The following LYPLA1 variants were observed in gnomAD, a reference collection of about 807,000 sequenced individuals.
LYPLA1 encodes the protein lysophospholipase 1, also known as acyl-protein thioesterase 1.
LYPLA1 carries 17 observed loss-of-function variants against 34.0 expected under a neutral mutation model. The ratio of observed to expected loss-of-function variants is 0.50; its 90% CI spans 0.34 to 0.75. LYPLA1 has a LOEUF of 0.75. Ranked by LOEUF, LYPLA1 falls within the 30% of genes least tolerant of loss-of-function variation. LYPLA1 has a pLI of 0.01. For synonymous variants in LYPLA1, 98 were observed against 100.8 expected (o/e 0.97, Z 0.17); for missense variants, 203 against 288.8 (o/e 0.70, Z 2.15).
intron 2 of LYPLA1, among the ~76,000 whole-genome samples, chr8:54,078,941 T>G (rs1808109249): frequency 1.3e-5 from 2 of 151,938 alleles, no homozygotes; most frequent in Non-Finnish European, 2.9e-5. Flanking sequence ...CACTTGAATT[T>G]GATACACTAT....
chr8:54,045,767 A>G (rs989185546), downstream of LYPLA1: 2 of 152,274 alleles, frequency 1.3e-5, no homozygotes, highest in African/African-American at 4.8e-5. Context: ...TGAATACTAC[A>G]TTAAAGAAAA....
intron 2 of LYPLA1, among the ~76,000 whole-genome samples, chr8:54,082,404 C>T (rs866878774): frequency 6.6e-5 from 10 of 152,088 alleles, no homozygotes; most frequent in Admixed American, 2.0e-4. Flanking sequence ...AAGAACTAAT[C>T]CTTTTTTTAA....
chr8:54,090,716 G>A (rs993815429), intron 2 of LYPLA1, among the ~76,000 whole-genome samples: 21 of 152,164 alleles, frequency 1.4e-4, no homozygotes, highest in African/African-American at 4.3e-4. Context: ...CTGCCGATCC[G>A]CCTGGGAACA....
intron 2 of LYPLA1, among the ~76,000 whole-genome samples, chr8:54,097,478 G>A (rs1191779051): frequency 6.6e-6 from 1 of 152,182 alleles, no homozygotes; most frequent in East Asian, 1.9e-4. Flanking sequence ...TGTATGACTA[G>A]GGAGGAGATA....
rs202089269 is a variant in LYPLA1, at chr8:54,055,122, T to G, written c.298A>C (p.Ile100Leu). 5.6e-6 allele frequency: 9 copies of G among 1,604,610 alleles called. No homozygotes were observed. Among genetic ancestry groups the G allele is most frequent in the African/African-American group, 1.3e-5 (1 of 74,814 alleles). ...ATGCCATTCTTCACTTCTTGATCAA[T>G]CAAAGCTTTTACTAAAAACAACATG... ...KQAAENIKAL[I>L]DQEVKNGIPS... is the part of the protein sequence containing the mutation. The change falls in exon 6 of 9, where the codon ATT becomes CTT. Residue 100 changes from isoleucine (I) to leucine (L), a missense_variant. Transcript: ENST00000316963.
At chr8:54,061,341 A>C (rs1172296871) in intron 5 of LYPLA1, among the ~76,000 whole-genome samples, 1 of 152,148 alleles carries the variant, frequency 6.6e-6, no homozygotes, top group Non-Finnish European at 1.5e-5. Flanking sequence ...TCGGCTTCCC[A>C]AAGTGCTGGG....
chr8:54,064,915 T>C (rs1476631093), intron 3 of LYPLA1, among the ~76,000 whole-genome samples: 3 of 152,150 alleles, frequency 2.0e-5, no homozygotes, highest in East Asian at 1.9e-4. Context: ...CTAATTTGCA[T>C]TGGGCTGCAT....
chr8:54,088,252 G>A (rs953861398), intron 2 of LYPLA1, among the ~76,000 whole-genome samples: 3 of 152,084 alleles, frequency 2.0e-5, no homozygotes, highest in African/African-American at 4.8e-5. Context: ...ACCTGTCTTC[G>A]AATAAATTTT....
intron 2 of LYPLA1, among the ~76,000 whole-genome samples, chr8:54,093,455 C>A (rs1809460225): frequency 6.6e-6 from 1 of 152,154 alleles, no homozygotes; most frequent in South Asian, 2.1e-4. Flanking sequence ...GTGCCTGAGG[C>A]CAAGGAAAGC....
intron 2 of LYPLA1, among the ~76,000 whole-genome samples, chr8:54,091,581 A>AAGACAAGGAAGGAAGGAAGGAAGGAAGG (rs1302206285): frequency 2.8e-5 from 4 of 142,270 alleles, no homozygotes; most frequent in African/African-American, 1.1e-4. Context: ...GAAAGAAAGA[A>AAGACAAGGAAGGAAGGAAGGAAGGAAGG]AAGGAAGGAA....
intron 2 of LYPLA1, among the ~76,000 whole-genome samples, chr8:54,085,205 C>T (rs1481402617): frequency 1.3e-5 from 2 of 152,238 alleles, no homozygotes; most frequent in African/African-American, 4.8e-5. Context: ...CCGGGCTGGT[C>T]TCCAGCTCCT....
At chr8:54,082,832 T>C (rs1808417197) in intron 2 of LYPLA1, among the ~76,000 whole-genome samples, 2 of 152,192 alleles carry the variant, frequency 1.3e-5, no homozygotes, top group East Asian at 3.9e-4. Context: ...GTTCACGCCA[T>C]TCTCCCGCCT....
At chr8:54,091,286 A>G (rs11986605) in intron 2 of LYPLA1, among the ~76,000 whole-genome samples, 20,074 of 151,712 alleles carry the variant, frequency 0.13, 3,523 homozygotes, top group African/African-American at 0.41. Flanking sequence ...TCAGGAGTTC[A>G]AGACCAACCT....
At chr8:54,099,030 G>C (rs909681962) in intron 2 of LYPLA1, among the ~76,000 whole-genome samples, 4 of 151,970 alleles carry the variant, frequency 2.6e-5, no homozygotes, top group Non-Finnish European at 5.9e-5. Flanking sequence ...TTAACTTTTG[G>C]TCAAGATGTA....
At chr8:54,073,234 G>A (rs972916940) in intron 2 of LYPLA1, 7 of 845,342 alleles carry the variant, frequency 8.3e-6, no homozygotes, top group Admixed American at 1.7e-5. Context: ...GGACAGTAAG[G>A]AACTAAACAG....
At chr8:54,092,406 C>T (rs919645024) in intron 2 of LYPLA1, among the ~76,000 whole-genome samples, 1 of 152,050 alleles carries the variant, frequency 6.6e-6, no homozygotes, top group Non-Finnish European at 1.5e-5. Flanking sequence ...AGGAGGCATG[C>T]AGACAAATTC....
intron 2 of LYPLA1, among the ~76,000 whole-genome samples, chr8:54,097,959 AT>A (rs1462884312): frequency 2.0e-5 from 3 of 152,236 alleles, no homozygotes; most frequent in Non-Finnish European, 2.9e-5. Context: ...GAGGTGGCTC[AT>A]GCCTGTATTC....
At chr8:54,060,313 CG>C (rs1806506665) in intron 5 of LYPLA1, among the ~76,000 whole-genome samples, 1 of 151,954 alleles carries the variant, frequency 6.6e-6, no homozygotes. Flanking sequence ...ATAATAGAGA[CG>C]GGGTTTCTCC....
At chr8:54,078,117 A>T (rs1217364629) in intron 2 of LYPLA1, among the ~76,000 whole-genome samples, 1 of 151,632 alleles carries the variant, frequency 6.6e-6, no homozygotes, top group East Asian at 1.9e-4. Flanking sequence ...CGCCCTGCTA[A>T]TTTTTTGTAT....
Sources: allele counts gnomAD v4.1 joint callset (sites outside exome capture counted in the v4.1 genomes callset), GRCh38; gene constraint gnomAD v4.1.1; transcripts MANE v1.5; gene names NCBI Gene and HGNC (gene_info 2026-07-23, HGNC 2026-07-21).